Variants in SLC38A6 observed in about 807,000 individuals in gnomAD.
The protein encoded by SLC38A6 is solute carrier family 38 member 6.
Under a neutral mutation model 65.0 loss-of-function variants are expected in SLC38A6, and 73 were observed. The ratio of observed to expected loss-of-function variants is 1.12; its 90% CI spans 0.93 to 1.37. The LOEUF (loss-of-function observed/expected upper bound fraction) is 1.37. Among genes scored for constraint, SLC38A6 ranks in the 40% most tolerant of loss-of-function variants. SLC38A6 has a pLI of 0.00. For missense variants in SLC38A6, 561 were observed against 531.1 expected, an observed-to-expected ratio of 1.06 and a Z score of -0.55; for synonymous variants, 183 against 178.8, an observed-to-expected ratio of 1.02 and a Z score of -0.19.
intron 3 of SLC38A6, among the ~76,000 whole-genome samples, chr14:61,014,511 T>G (rs566148237): frequency 4.1e-4 from 63 of 152,260 alleles, no homozygotes; most frequent in Non-Finnish European, 7.2e-4. Flanking sequence ...CCATCTTTGT[T>G]GTTTTATCTA....
intron 15 of SLC38A6, among the ~76,000 whole-genome samples, chr14:61,075,487 A>T (rs1405081794): frequency 1.3e-5 from 2 of 152,222 alleles, no homozygotes. Context: ...TGATTGAACC[A>T]ACTTTTCCTA....
intron 5 of SLC38A6, among the ~76,000 whole-genome samples, chr14:61,025,689 G>T (rs570529315): frequency 7.2e-5 from 11 of 152,214 alleles, no homozygotes; most frequent in African/African-American, 2.6e-4. Context: ...TCCTGAAAAT[G>T]ATAAGACAAA....
intron 15 of SLC38A6, among the ~76,000 whole-genome samples, chr14:61,074,610 TC>T (rs2139977700): frequency 6.6e-6 from 1 of 152,318 alleles, no homozygotes; most frequent in South Asian, 2.1e-4. Flanking sequence ...GGTTAGGGCC[TC>T]AATATGAATT....
intron 2 of SLC38A6, among the ~76,000 whole-genome samples, chr14:60,983,011 C>T (rs145333077): frequency 1.7e-3 from 255 of 152,234 alleles, no homozygotes; most frequent in African/African-American, 6.0e-3. Context: ...TTTCATTCCT[C>T]GCTGTCTCTT....
intron 3 of SLC38A6, among the ~76,000 whole-genome samples, chr14:60,990,689 G>A (rs1455589648): frequency 6.6e-6 from 1 of 151,926 alleles, no homozygotes; most frequent in Non-Finnish European, 1.5e-5. Context: ...CTGGAATGTA[G>A]TGGCGTGAAC....
intron 3 of SLC38A6, among the ~76,000 whole-genome samples, chr14:60,998,125 G>A (rs1213975824): frequency 6.6e-6 from 1 of 151,708 alleles, no homozygotes; most frequent in African/African-American, 2.4e-5. Flanking sequence ...TCTTAGAAGA[G>A]AGAGTGACTT....
chr14:61,050,768 C>A, intron 13 of SLC38A6, 132 bp downstream of exon 13: 1 of 811,326 alleles, frequency 1.2e-6, no homozygotes, highest in Non-Finnish European at 1.7e-6. Context: ...AGTAATTGAT[C>A]AAAGACTTCA....
At chr14:61,011,131 T>C (rs1008577246) in intron 3 of SLC38A6, among the ~76,000 whole-genome samples, 1 of 152,196 alleles carries the variant, frequency 6.6e-6, no homozygotes, top group Non-Finnish European at 1.5e-5. Flanking sequence ...TATTTTATTC[T>C]CTTTGAAGCA....
At chr14:61,076,536 T>C (rs773962343) in intron 15 of SLC38A6, among the ~76,000 whole-genome samples, 1 of 152,218 alleles carries the variant, frequency 6.6e-6, no homozygotes, top group South Asian at 2.1e-4. Context: ...ATCCTAAGAA[T>C]AGAAACTGAA....
chr14:61,021,757 C>T (rs1490734044), intron 5 of SLC38A6, among the ~76,000 whole-genome samples: 4 of 152,100 alleles, frequency 2.6e-5, no homozygotes, highest in Non-Finnish European at 5.9e-5. Flanking sequence ...TCATGATTTT[C>T]TTCACATTGG....
At chr14:61,011,623 G>T (rs545949808) in intron 3 of SLC38A6, among the ~76,000 whole-genome samples, 3 of 152,282 alleles carry the variant, frequency 2.0e-5, no homozygotes, top group African/African-American at 7.2e-5. Flanking sequence ...GGCCTTTTCT[G>T]CATCTATTGA....
At chr14:61,025,752 G>T in intron 5 of SLC38A6, among the ~76,000 whole-genome samples, 1 of 151,908 alleles carries the variant, frequency 6.6e-6, no homozygotes, top group East Asian at 1.9e-4. Flanking sequence ...CATATATTTT[G>T]ATTTTCATTT....
chr14:61,040,064 G>A (rs1396223188), intron 8 of SLC38A6, among the ~76,000 whole-genome samples: 2 of 151,462 alleles, frequency 1.3e-5, no homozygotes, highest in African/African-American at 4.9e-5. Flanking sequence ...TTTTTTTTTG[G>A]TGTATTTTAG....
At chr14:61,016,168 G>A (rs909993137) in intron 4 of SLC38A6, among the ~76,000 whole-genome samples, 13 of 152,156 alleles carry the variant, frequency 8.5e-5, no homozygotes, top group African/African-American at 3.1e-4. Flanking sequence ...TTCAATGCTT[G>A]AATCTTTTAA....
At chr14:60,985,814 G>A (rs1440073053) in intron 3 of SLC38A6, among the ~76,000 whole-genome samples, 1 of 152,206 alleles carries the variant, frequency 6.6e-6, no homozygotes, top group African/African-American at 2.4e-5. Context: ...TCTGCATCTA[G>A]TAAGGGGCTC....
chr14:61,026,710 G>A (rs890672796), intron 5 of SLC38A6, among the ~76,000 whole-genome samples: 3 of 151,498 alleles, frequency 2.0e-5, no homozygotes, highest in Non-Finnish European at 4.4e-5. Flanking sequence ...CTAGTTAATA[G>A]AACGAGTTTC....
Position 61,015,922 on chromosome 14 carries a change from A to G in SLC38A6, c.329A>G (p.Asp110Gly). 6.2e-7 allele frequency: 1 copy of G among 1,608,870 alleles called. No homozygotes were observed. The highest frequency in any genetic ancestry group is 2.2e-5 in the East Asian group (1 of 44,700). ...TTAACAGCTGTAACATCTTATGAAGATCTTGGACTCTTTGCATTTGGATTA... is the reference window on the plus strand; with the variant it reads ...TTAACAGCTGTAACATCTTATGAAGGTCTTGGACTCTTTGCATTTGGATTA... ...CIQTAVTSYE[D>G]LGLFAFGLPG... Residue 110 changes from aspartate to glycine, a missense_variant, in exon 4 of 16, where the codon GAT becomes GGT. Asp to Gly is a moderately conservative substitution (Grantham distance 94). Coordinates refer to ENST00000267488, the MANE Select transcript of SLC38A6 (RefSeq NM_153811.3).
chr14:61,000,500 G>A lies in SLC38A6; in HGVS notation c.311-15404G>A, dbSNP rs1206843295. On this transcript the variant is annotated intron_variant, in intron 3 of 15. Transcript: ENST00000267488. ...CAAAAAATTAGCCGGGCGTGATGGCGGGCGCCTGTAATCCCAGCTACTCGG... is the reference window on the plus strand; with the variant it reads ...CAAAAAATTAGCCGGGCGTGATGGCAGGCGCCTGTAATCCCAGCTACTCGG... 2.0e-5 allele frequency among the ~76,000 whole-genome samples: 3 copies of A among 152,112 alleles called. No homozygotes were observed. In the East Asian group the frequency reaches 5.8e-4, roughly 29 times the overall value.
In SLC38A6 at chr14:60,999,831, G is replaced by A. The variant is rs374308733; in HGVS notation, c.310+15028G>A. Among the ~76,000 whole-genome samples the A allele has an allele frequency of 1.6e-4, 25 of 152,324 alleles. No individual in the cohort carries two copies. The South Asian group carries it at 5.0e-3, about 30-fold the overall frequency. Reference sequence around the variant, plus strand: ...AGAGGCAAGGAATGGATTCTTTCTAGAGCTTTCAGAAGAGTGGCCCTGTGG... The same window carrying A: ...AGAGGCAAGGAATGGATTCTTTCTAAAGCTTTCAGAAGAGTGGCCCTGTGG... On this transcript the variant is annotated intron_variant, in intron 3 of 15. Coordinates refer to ENST00000267488, the MANE Select transcript of SLC38A6 (RefSeq NM_153811.3).
Sources: allele counts gnomAD v4.1 joint callset (sites outside exome capture counted in the v4.1 genomes callset), GRCh38; gene constraint gnomAD v4.1.1; transcripts MANE v1.5; gene names NCBI Gene and HGNC (gene_info 2026-07-23, HGNC 2026-07-21).